Variants in SETD2 observed in about 807,000 individuals in gnomAD.
The protein encoded by SETD2 is histone-lysine N-methyltransferase SETD2.
SETD2 carries 31 observed loss-of-function variants against 242.1 expected under a neutral mutation model. The observed-to-expected ratio is 0.13, with a 90% confidence interval of 0.10 to 0.17. The LOEUF is 0.17. Ranked by LOEUF, SETD2 falls within the 10% of genes least tolerant of loss-of-function variation. The pLI, the probability that SETD2 is intolerant of heterozygous loss-of-function variation, is 1.00. For missense variants in SETD2, 2,481 were observed against 3,046.3 expected, an observed-to-expected ratio of 0.81 and a Z score of 4.37; for synonymous variants, 1,006 against 1,066.5, an observed-to-expected ratio of 0.94 and a Z score of 1.11.
At chr3:47,143,632 A>G (rs1349976062) in intron 1 of SETD2, among the ~76,000 whole-genome samples, 1 of 152,252 alleles carries the variant, frequency 6.6e-6, no homozygotes, top group Non-Finnish European at 1.5e-5. Flanking sequence ...TAATAAAGCT[A>G]GTTGATCTAT....
At chr3:47,095,254 G>A (rs972383154) in intron 9 of SETD2, among the ~76,000 whole-genome samples, 11 of 152,096 alleles carry the variant, frequency 7.2e-5, no homozygotes, top group Non-Finnish European at 1.3e-4. Context: ...TCCTGCCTCA[G>A]CCTCCGGAGT....
intron 9 of SETD2, among the ~76,000 whole-genome samples, chr3:47,097,228 T>C (rs2042044657): frequency 6.6e-6 from 1 of 152,088 alleles, no homozygotes; most frequent in Non-Finnish European, 1.5e-5. Flanking sequence ...GTCTAGAGAG[T>C]AGCCCAAAAA....
intron 5 of SETD2, among the ~76,000 whole-genome samples, chr3:47,108,317 T>C (rs1229579238): frequency 6.6e-6 from 1 of 152,072 alleles, no homozygotes; most frequent in Non-Finnish European, 1.5e-5. Context: ...CTAAACTTAC[T>C]CATTTAAGGC....
intron 14 of SETD2, among the ~76,000 whole-genome samples, chr3:47,059,618 C>T (rs536783497): frequency 6.6e-6 from 1 of 151,694 alleles, no homozygotes; most frequent in African/African-American, 2.4e-5. Context: ...TGGGGTTTCA[C>T]CATATTGGCC....
At chr3:47,087,888 C>A (rs1032861114) in intron 10 of SETD2, among the ~76,000 whole-genome samples, 2 of 151,914 alleles carry the variant, frequency 1.3e-5, no homozygotes, top group Non-Finnish European at 2.9e-5. Flanking sequence ...ATTGCTTGCA[C>A]CCAGGACACA....
At chr3:47,029,009 C>A in intron 18 of SETD2, 2 of 220,418 alleles carry the variant, frequency 9.1e-6, no homozygotes, top group South Asian at 1.2e-4. Context: ...TCGACCATCT[C>A]AATGTCACCA....
chr3:47,164,289 C>G (rs1249491966), upstream of SETD2, among the ~76,000 whole-genome samples: 2 of 152,158 alleles, frequency 1.3e-5, no homozygotes, highest in Non-Finnish European at 2.9e-5. This position sits in a 1 kb window ranked among gnomAD's most constrained non-coding sequence, Gnocchi z 5.4. Flanking sequence ...CCGGCGGGTC[C>G]AGGCCGACCG....
intron 15 of SETD2, among the ~76,000 whole-genome samples, chr3:47,048,651 A>T (rs562068216): frequency 6.6e-6 from 1 of 152,260 alleles, no homozygotes; most frequent in East Asian, 1.9e-4. Context: ...TATAACACTT[A>T]TCTTAAAATA....
intron 1 of SETD2, among the ~76,000 whole-genome samples, chr3:47,130,313 G>A (rs2043447960): frequency 6.6e-6 from 1 of 152,158 alleles, no homozygotes; most frequent in Non-Finnish European, 1.5e-5. Flanking sequence ...TTAAAGAGTG[G>A]ATTTGGTGGA....
At chr3:47,040,940 G>A (rs897191676) in intron 17 of SETD2, among the ~76,000 whole-genome samples, 1 of 152,114 alleles carries the variant, frequency 6.6e-6, no homozygotes, top group Admixed American at 6.5e-5. Flanking sequence ...TTAATGGTAA[G>A]CTGACAATAT....
At chr3:47,112,355 C>T (rs1040359682) in intron 5 of SETD2, among the ~76,000 whole-genome samples, 6 of 152,266 alleles carry the variant, frequency 3.9e-5, no homozygotes, top group African/African-American at 1.4e-4. Flanking sequence ...AATCTCGGCT[C>T]ACTGCAACCT....
intron 17 of SETD2, among the ~76,000 whole-genome samples, chr3:47,041,713 T>C (rs904160204): frequency 3.9e-5 from 6 of 152,182 alleles, no homozygotes; most frequent in Non-Finnish European, 7.3e-5. Context: ...AACGGTATTT[T>C]TTAAAAACAT....
rs1049845532 is a variant in SETD2, at chr3:47,103,326, C to G, written c.4917+20G>C. 1.3e-5 allele frequency: 21 copies of G among 1,556,750 alleles called. No individual in the cohort carries two copies. Among genetic ancestry groups the G allele is most frequent in the Non-Finnish European group, 1.8e-5 (20 of 1,128,034 alleles). Reference sequence around the variant, plus strand: ...CAATCGTGAACAAATACCTCAAACTCTAAATCCACCTCAACTTACTTTTTG... The same window carrying G: ...CAATCGTGAACAAATACCTCAAACTGTAAATCCACCTCAACTTACTTTTTG... On this transcript the variant is annotated intron_variant, in intron 7 of 20. Coordinates refer to ENST00000409792, the MANE Select transcript of SETD2 (RefSeq NM_014159.7).
intron 2 of SETD2, among the ~76,000 whole-genome samples, chr3:47,126,169 A>G: frequency 6.6e-6 from 1 of 152,252 alleles, no homozygotes; most frequent in South Asian, 2.1e-4. Context: ...AGCTGGGACT[A>G]AGCCACCATG....
intron 1 of SETD2, among the ~76,000 whole-genome samples, chr3:47,147,703 T>A (rs1013526400): frequency 2.0e-5 from 3 of 151,474 alleles, no homozygotes; most frequent in Admixed American, 2.0e-4. Flanking sequence ...GCGGGCAGAT[T>A]ACGGTCAGGA....
At chr3:47,020,966 A>G (rs1421162313) in intron 18 of SETD2, among the ~76,000 whole-genome samples, 12 of 152,076 alleles carry the variant, frequency 7.9e-5, no homozygotes, top group African/African-American at 1.4e-4. Flanking sequence ...CGTATTTTCT[A>G]TTTTTCCAAT....
At chr3:47,046,115 A>G (rs2039514027) in intron 16 of SETD2, among the ~76,000 whole-genome samples, 1 of 151,688 alleles carries the variant, frequency 6.6e-6, no homozygotes, top group South Asian at 2.1e-4. Flanking sequence ...AGGCGGGTGG[A>G]TCACCTGAGG....
rs963471471 is a variant in SETD2, at chr3:47,123,353, T to A, written c.1283A>T (p.Tyr428Phe). 3.2e-6 allele frequency: 5 copies of A among 1,551,582 alleles called. No individual in the cohort carries two copies. In the African/African-American group the frequency reaches 6.8e-5, roughly 21 times the overall value. Residue 428 changes from tyrosine (Y) to phenylalanine (F), a missense_variant, in exon 3 of 21, where the codon TAT becomes TTT. Tyr to Phe is a conservative substitution (Grantham distance 22). Around this residue, in one of 17 missense-constraint regions of SETD2, gnomAD observed 1,300 missense variants for 1,259.2 expected, o/e 1.03. Transcript: ENST00000409792. ...SYSRSERSHY[Y>F]DSDRRYHRSS... The stretch of plus-strand genomic sequence containing the variant: ...CCTATGGTAGCGACGATCAGAGTCA[T>A]AATAATGAGATCGTTCTGACCTGGA...
Position 47,105,566 on chromosome 3 carries a change from C to CT in SETD2, c.4839+430dup, listed in dbSNP as rs201757411. 1,663 of 291,564 alleles carry CT rather than the reference C, an allele frequency of 5.7e-3. 37 individuals are homozygous for CT. The highest frequency in any genetic ancestry group is 0.036 in the African/African-American group (1,543 of 43,272). The allele number at this position is 291,564 out of a possible 1,614,324, so 18.1% of individuals were successfully genotyped here. On this transcript the variant is annotated intron_variant, in intron 6 of 20. Transcript: ENST00000409792. ...TTGTCATGCAACAGTAACTTCCACG[C>CT]TTTTTGAAAACAAATAGACGCTATT...
Sources: allele counts gnomAD v4.1 joint callset (sites outside exome capture counted in the v4.1 genomes callset), GRCh38; gene constraint gnomAD v4.1.1; regional missense constraint gnomAD v4.1.1; non-coding constraint Gnocchi (gnomAD v3.1); transcripts MANE v1.5; gene names NCBI Gene and HGNC (gene_info 2026-07-23, HGNC 2026-07-21).